Variants in JAZF1 observed in about 807,000 individuals in gnomAD.
The protein encoded by JAZF1 is JAZF zinc finger 1.
A neutral mutation model predicts 26.4 loss-of-function variants in JAZF1; 8 were observed. That is an observed-to-expected ratio of 0.30 (90% CI 0.18 to 0.55). JAZF1 has a LOEUF of 0.55. Among genes scored for constraint, JAZF1 ranks in the 20% least tolerant of loss-of-function variants. JAZF1 has a pLI of 0.94. For synonymous variants in JAZF1, 126 were observed against 122.3 expected (o/e 1.03, Z -0.20); for missense variants, 199 against 322.0 (o/e 0.62, Z 2.92).
chr7:27,956,980 A>G (rs908227518), intron 2 of JAZF1, among the ~76,000 whole-genome samples: 3 of 152,236 alleles, frequency 2.0e-5, no homozygotes, highest in Non-Finnish European at 4.4e-5. Flanking sequence ...GTTTTAGTAG[A>G]AAAATGAAGT....
At chr7:27,908,355 G>A (rs1422010173) in intron 2 of JAZF1, among the ~76,000 whole-genome samples, 1 of 152,210 alleles carries the variant, frequency 6.6e-6, no homozygotes, top group Non-Finnish European at 1.5e-5. Flanking sequence ...GGCAAAGCCA[G>A]TTTCCAGCAT....
intron 1 of JAZF1, among the ~76,000 whole-genome samples, chr7:28,171,377 A>C (rs774830344): frequency 1.3e-5 from 2 of 152,240 alleles, no homozygotes; most frequent in African/African-American, 2.4e-5. Flanking sequence ...GATGTTTTTC[A>C]CTGTCCAAAG....
chr7:28,178,702 T>C (rs1783584960), intron 1 of JAZF1, among the ~76,000 whole-genome samples: 1 of 152,230 alleles, frequency 6.6e-6, no homozygotes, highest in Non-Finnish European at 1.5e-5. Flanking sequence ...CTTTCAGTTA[T>C]GACTATTCAA....
At chr7:28,179,776 TCCCCGGCCCCCGCCCGCGGCCGCCGG>T (rs1342948681) in intron 1 of JAZF1, among the ~76,000 whole-genome samples, 7 of 142,872 alleles carry the variant, frequency 4.9e-5, no homozygotes, top group South Asian at 4.6e-4. Flanking sequence ...GAGGGCAAGC[TCCCCGGCCCCCGCCCGCGGCCGCCGG>T]CCCCGGCCCC....
intron 1 of JAZF1, among the ~76,000 whole-genome samples, chr7:28,153,507 T>C (rs561120878): frequency 6.6e-6 from 1 of 152,282 alleles, no homozygotes; most frequent in South Asian, 2.1e-4. Context: ...AAAAGGATTG[T>C]TCAGTTCTAG....
At position 27,942,927 on chromosome 7, in the gene JAZF1, C is replaced by T. The variant is rs189707554; in HGVS notation, c.189-47511G>A. 2.6e-4 allele frequency among the ~76,000 whole-genome samples: 40 copies of T among 152,258 alleles called. No individual in the cohort carries two copies. In the East Asian group the frequency reaches 7.2e-3, roughly 27 times the overall value. On this transcript the variant is annotated intron_variant, in intron 2 of 4. Coordinates refer to ENST00000283928, the MANE Select transcript of JAZF1 (RefSeq NM_175061.4). Reference sequence around the variant, plus strand: ...GTGCTGGGAGTGAAGTAAGATGAGGCGCTATTTGGTCACATGACCTCAAGC... The same window carrying T: ...GTGCTGGGAGTGAAGTAAGATGAGGTGCTATTTGGTCACATGACCTCAAGC...
intron 3 of JAZF1, among the ~76,000 whole-genome samples, chr7:27,854,129 CTTCT>C (rs1424693305): frequency 1.1e-4 from 17 of 152,136 alleles, no homozygotes; most frequent in East Asian, 1.9e-4. Context: ...ATGTAATGCC[CTTCT>C]TTGTCTTTTT....
At chr7:27,984,700 G>A (rs540788489) in intron 2 of JAZF1, among the ~76,000 whole-genome samples, 1 of 152,178 alleles carries the variant, frequency 6.6e-6, no homozygotes, top group Non-Finnish European at 1.5e-5. Flanking sequence ...CACATAGTTG[G>A]AAGTAAAGCA....
chr7:28,177,090 T>G (rs575089457), intron 1 of JAZF1, among the ~76,000 whole-genome samples: 1 of 152,304 alleles, frequency 6.6e-6, no homozygotes, highest in African/African-American at 2.4e-5. Flanking sequence ...CACTTCACAG[T>G]TGCAGGGCTA....
intron 3 of JAZF1, among the ~76,000 whole-genome samples, chr7:27,876,994 T>C (rs1369931017): frequency 1.3e-5 from 2 of 152,184 alleles, no homozygotes; most frequent in African/African-American, 4.8e-5. Context: ...GGGTTACTCT[T>C]TGGTGAAATT....
intron 2 of JAZF1, among the ~76,000 whole-genome samples, chr7:27,947,030 C>A (rs1784933771): frequency 6.6e-6 from 1 of 152,206 alleles, no homozygotes; most frequent in Non-Finnish European, 1.5e-5. Flanking sequence ...TTTTTGTTTT[C>A]AAGCAAACTT....
intron 2 of JAZF1, among the ~76,000 whole-genome samples, chr7:27,988,920 T>TAAAAAAAAAAAAAAA: frequency 1.2e-5 from 1 of 83,770 alleles, no homozygotes; most frequent in Non-Finnish European, 2.2e-5. Flanking sequence ...AGAATCTCTG[T>TAAAAAAAAAAAAAAA]AAAAAAAAAA....
chr7:27,927,099 T>C (rs1269931480), intron 2 of JAZF1, among the ~76,000 whole-genome samples: 1 of 152,178 alleles, frequency 6.6e-6, no homozygotes, highest in Non-Finnish European at 1.5e-5. Flanking sequence ...TGTTATCTTC[T>C]AGAAGTTGAG....
intron 1 of JAZF1, among the ~76,000 whole-genome samples, chr7:28,136,531 T>C (rs1041542400): frequency 1.3e-5 from 2 of 152,194 alleles, no homozygotes; most frequent in African/African-American, 4.8e-5. Flanking sequence ...TTGGTGGAAG[T>C]GGGTCTGTGC....
chr7:28,118,610 T>A (rs1238717228), intron 1 of JAZF1, among the ~76,000 whole-genome samples: 1 of 152,224 alleles, frequency 6.6e-6, no homozygotes, highest in Non-Finnish European at 1.5e-5. Context: ...AAAGCTACAG[T>A]ATTCTATGGC....
chr7:27,852,130 C>CTTTTTTTTTTTTTTTTTTTTTTTT (rs113021262), intron 3 of JAZF1, among the ~76,000 whole-genome samples: 1 of 125,256 alleles, frequency 8.0e-6, no homozygotes, highest in Admixed American at 8.2e-5. Context: ...ATAAACAGGA[C>CTTTTTTTTTTTTTTTTTTTTTTTT]TTTTTTTTTT....
At chr7:28,132,201 G>A (rs1782806169) in intron 1 of JAZF1, among the ~76,000 whole-genome samples, 1 of 152,192 alleles carries the variant, frequency 6.6e-6, no homozygotes, top group Non-Finnish European at 1.5e-5. Context: ...ATTAGGGTAA[G>A]CAGTACATGG....
At chr7:28,079,115 A>C (rs921305041) in intron 1 of JAZF1, among the ~76,000 whole-genome samples, 11 of 151,472 alleles carry the variant, frequency 7.3e-5, no homozygotes, top group Non-Finnish European at 1.6e-4. Context: ...TCAGCCTCCC[A>C]AGTAGCTGGG....
At chr7:28,022,506 TA>T (rs1160721503) in intron 1 of JAZF1, among the ~76,000 whole-genome samples, 1 of 152,182 alleles carries the variant, frequency 6.6e-6, no homozygotes, top group Non-Finnish European at 1.5e-5. Flanking sequence ...CTTTAAAAAA[TA>T]ATAACATTTA....
Sources: allele counts gnomAD v4.1 joint callset (sites outside exome capture counted in the v4.1 genomes callset), GRCh38; gene constraint gnomAD v4.1.1; transcripts MANE v1.5; gene names NCBI Gene and HGNC (gene_info 2026-07-23, HGNC 2026-07-21).